Variants in SIRT3 observed in about 807,000 individuals in gnomAD.
The protein encoded by SIRT3 is sirtuin 3, also known as NAD-dependent protein deacetylase sirtuin-3, mitochondrial.
SIRT3 carries 26 observed loss-of-function variants against 33.5 expected under a neutral mutation model. That is an observed-to-expected ratio of 0.78 (90% CI 0.57 to 1.08). The LOEUF is 1.08. SIRT3 is among the 50% of genes least tolerant of loss of function. SIRT3 has a pLI of 0.00. For synonymous variants in SIRT3, 237 were observed against 222.1 expected (o/e 1.07, Z -0.60); for missense variants, 585 against 530.1 (o/e 1.10, Z -1.02).
At chr11:227,493 T>C (rs912471945) in intron 4 of SIRT3, among the ~76,000 whole-genome samples, 2 of 152,026 alleles carry the variant, frequency 1.3e-5, no homozygotes, top group Non-Finnish European at 2.9e-5. Context: ...AGAGAACAGA[T>C]AGCAACAGTT....
chr11:232,508 G>A (rs980559285), intron 3 of SIRT3, among the ~76,000 whole-genome samples: 9 of 152,174 alleles, frequency 5.9e-5, no homozygotes, highest in Admixed American at 4.6e-4. Flanking sequence ...TTCATGATGT[G>A]AGAGATTTGC....
At chr11:233,594 G>A (rs1387358567) in intron 1 of SIRT3, 60 bp from the exon 2 acceptor site, 2 of 1,551,826 alleles carry the variant, frequency 1.3e-6, no homozygotes, top group African/African-American at 2.7e-5. Flanking sequence ...AGGATAGCAA[G>A]AACGAGCATG....
chr11:225,202 A>G (rs1857001488), intron 4 of SIRT3, among the ~76,000 whole-genome samples: 1 of 152,172 alleles, frequency 6.6e-6, no homozygotes, highest in Non-Finnish European at 1.5e-5. Flanking sequence ...TCACGAGGTC[A>G]GGAGATCGAG....
chr11:236,130 A>G lies in SIRT3; in HGVS notation c.199T>C (p.Leu67=), dbSNP rs971883909. The change falls in exon 1 of 7, where the codon TTG becomes CTG. Residue 67 remains leucine, a synonymous_variant. Transcript: ENST00000382743. ...ACCTCGGGTCTGGGAGGCCTCTGCAAGGGGCGCGCCGGGTCCAAGGGCTCA... is the reference window on the plus strand; with the variant it reads ...ACCTCGGGTCTGGGAGGCCTCTGCAGGGGGCGCGCCGGGTCCAAGGGCTCA... ...RGEPLDPARP[L]QRPPRPEVPR... is the part of the protein sequence containing the mutation. 1 of 1,577,422 alleles carries G rather than the reference A, an allele frequency of 6.3e-7. No homozygotes were observed. Among genetic ancestry groups the G allele is most frequent in the Non-Finnish European group, 8.6e-7 (1 of 1,162,590 alleles).
At chr11:217,521 C>T (rs1166459637) in intron 6 of SIRT3, among the ~76,000 whole-genome samples, 3 of 152,252 alleles carry the variant, frequency 2.0e-5, no homozygotes, top group Non-Finnish European at 4.4e-5. Context: ...GATCTAAGAT[C>T]TCCGCTGCCT....
chr11:228,507 G>A (rs1205169596), intron 4 of SIRT3, among the ~76,000 whole-genome samples: 1 of 152,144 alleles, frequency 6.6e-6, no homozygotes, highest in East Asian at 1.9e-4. Flanking sequence ...CAACAACAAT[G>A]CCAAGACCAC....
At chr11:235,990 G>C in intron 1 of SIRT3, 58 bp downstream of exon 1, 2 of 1,404,952 alleles carry the variant, frequency 1.4e-6, no homozygotes, top group South Asian at 1.5e-5. Flanking sequence ...AGGTGAGAAA[G>C]AGTGGGCGAG....
At chr11:236,909 G>A, upstream of SIRT3, 1 of 706,158 alleles carries the variant, frequency 1.4e-6, no homozygotes, top group East Asian at 2.8e-5. Context: ...AGCAACCAGC[G>A]GGGCCCGCCC....
intron 1 of SIRT3, among the ~76,000 whole-genome samples, chr11:235,093 G>A (rs543501950): frequency 6.6e-6 from 1 of 151,722 alleles, no homozygotes; most frequent in Admixed American, 6.6e-5. Context: ...GGCCCAGCTG[G>A]TCTCGAACTC....
chr11:218,515 C>A (rs1416294530), intron 6 of SIRT3, among the ~76,000 whole-genome samples: 1 of 152,190 alleles, frequency 6.6e-6, no homozygotes, highest in Non-Finnish European at 1.5e-5. Context: ...ACATACCAGG[C>A]CTTAGAGGGA....
intron 3 of SIRT3, among the ~76,000 whole-genome samples, chr11:231,744 A>G (rs1858046697): frequency 1.3e-5 from 2 of 152,168 alleles, no homozygotes; most frequent in Non-Finnish European, 2.9e-5. Context: ...AGAGCCCACC[A>G]ACATGGGGCA....
At chr11:235,226 A>G (rs1039640827) in intron 1 of SIRT3, among the ~76,000 whole-genome samples, 6 of 151,198 alleles carry the variant, frequency 4.0e-5, no homozygotes, top group African/African-American at 4.9e-5. Flanking sequence ...CCACAGGTAG[A>G]TAAGAGTCTT....
chr11:236,931 C>T, upstream of SIRT3: 6 of 838,998 alleles, frequency 7.2e-6, no homozygotes, highest in East Asian at 8.0e-5. Context: ...CGGCCTGCTA[C>T]GGCGCTCCCA....
intron 4 of SIRT3, among the ~76,000 whole-genome samples, chr11:226,920 A>G (rs1857254625): frequency 6.8e-6 from 1 of 147,234 alleles, no homozygotes; most frequent in Non-Finnish European, 1.5e-5. Flanking sequence ...CGCCCGGCTA[A>G]TTTTGTATTT....
Position 215,897 on chromosome 11 carries a change from G to C in SIRT3, c.*801C>G, listed in dbSNP as rs550721954. On this transcript the variant is annotated 3_prime_UTR_variant, in exon 7 of 7. Coordinates refer to ENST00000382743, the MANE Select transcript of SIRT3 (RefSeq NM_012239.6). Reference sequence around the variant, plus strand: ...ACTAGAGGAAGCCCTGGCGAGGGTGGGGGGGCGTAGTGTGGGGACAAGGAG... The same window carrying C: ...ACTAGAGGAAGCCCTGGCGAGGGTGCGGGGGCGTAGTGTGGGGACAAGGAG... 1 of 152,404 alleles carries C rather than the reference G, an allele frequency of 6.6e-6. No homozygotes were observed. Among genetic ancestry groups the C allele is most frequent in the East Asian group, 1.9e-4 (1 of 5,176 alleles). 9.4% of individuals were successfully genotyped at this position (152,404 alleles called of 1,614,324 possible).
At chr11:225,194 A>C (rs1856999430) in intron 4 of SIRT3, among the ~76,000 whole-genome samples, 1 of 152,270 alleles carries the variant, frequency 6.6e-6, no homozygotes, top group African/African-American at 2.4e-5. Context: ...TGGGCAGATC[A>C]CGAGGTCAGG....
At chr11:217,321 A>C (rs769172880) in intron 6 of SIRT3, among the ~76,000 whole-genome samples, 1 of 152,242 alleles carries the variant, frequency 6.6e-6, no homozygotes, top group Non-Finnish European at 1.5e-5. Flanking sequence ...ATGGTGGCAC[A>C]TGCCTGTAAT....
At chr11:232,840 A>G (rs1858263296) in intron 3 of SIRT3, 143 bp downstream of exon 3, 2 of 717,806 alleles carry the variant, frequency 2.8e-6, no homozygotes, top group Non-Finnish European at 4.6e-6. Context: ...AGGAAGAAGC[A>G]TAAGCGATAG....
At chr11:234,451 G>A (rs4980325) in intron 1 of SIRT3, among the ~76,000 whole-genome samples, 3 of 151,956 alleles carry the variant, frequency 2.0e-5, no homozygotes, top group Non-Finnish European at 4.4e-5. Flanking sequence ...GTCTCGCTCT[G>A]TTGCCCAGGC....
Sources: gnomAD v4.1 joint callset for allele counts (sites outside exome capture counted in the v4.1 genomes callset) on GRCh38, gnomAD v4.1.1 for gene constraint, MANE v1.5 for transcripts, NCBI Gene and HGNC (gene_info 2026-07-23, HGNC 2026-07-21) for gene names.